The following CACNA1E variants were observed in gnomAD, a reference collection of about 807,000 sequenced individuals.
CACNA1E encodes voltage-dependent R-type calcium channel subunit alpha-1E.
A neutral mutation model predicts 259.2 loss-of-function variants in CACNA1E; 40 were observed. That is an observed-to-expected ratio of 0.15 (90% CI 0.12 to 0.20). The LOEUF is 0.20. Among genes scored for constraint, CACNA1E ranks in the 10% least tolerant of loss-of-function variants. The probability of loss-of-function intolerance (pLI) is 1.00; values close to 1 mark genes in which losing one functional copy is unlikely to be tolerated. For missense variants in CACNA1E, 1,874 were observed against 3,040.1 expected, an observed-to-expected ratio of 0.62 and a Z score of 9.02; for synonymous variants, 1,104 against 1,138.5, an observed-to-expected ratio of 0.97 and a Z score of 0.61.
chr1:181,585,778 T>C (rs1226772806), intron 6 of CACNA1E, among the ~76,000 whole-genome samples: 1 of 152,116 alleles, frequency 6.6e-6, no homozygotes, highest in East Asian at 1.9e-4. Context: ...GGGCTGGGTG[T>C]ATTTGAAGAA....
intron 6 of CACNA1E, among the ~76,000 whole-genome samples, chr1:181,608,489 T>C (rs561780256): frequency 1.3e-5 from 2 of 152,198 alleles, no homozygotes; most frequent in South Asian, 4.2e-4. Flanking sequence ...GGAGATCCAT[T>C]ATGAAAAGTG....
chr1:181,549,429 CT>C (rs1396911507), intron 3 of CACNA1E, among the ~76,000 whole-genome samples: 1 of 152,158 alleles, frequency 6.6e-6, no homozygotes, highest in African/African-American at 2.4e-5. Context: ...AATAGTTTCC[CT>C]TTTTGGAAAG....
intron 25 of CACNA1E, among the ~76,000 whole-genome samples, chr1:181,739,624 C>T (rs1656377600): frequency 6.6e-6 from 1 of 152,116 alleles, no homozygotes; most frequent in South Asian, 2.1e-4. Flanking sequence ...GTGTGTCAAT[C>T]AAGGAAGCAG....
intron 7 of CACNA1E, among the ~76,000 whole-genome samples, chr1:181,687,960 T>C (rs974437481): frequency 6.6e-6 from 1 of 152,160 alleles, no homozygotes; most frequent in Non-Finnish European, 1.5e-5. Flanking sequence ...CTCATAACCA[T>C]GAAGCATTGT....
chr1:181,747,522 G>A (rs3767003), intron 25 of CACNA1E, among the ~76,000 whole-genome samples: 84,338 of 150,412 alleles, frequency 0.56, 23,796 homozygotes, highest in East Asian at 0.74. Context: ...ATGGTAAAAT[G>A]TGTGGCCCAA....
intron 8 of CACNA1E, among the ~76,000 whole-genome samples, chr1:181,713,927 G>A (rs772171533): frequency 2.6e-5 from 4 of 152,286 alleles, no homozygotes; most frequent in South Asian, 4.2e-4. Context: ...GGGACACCAA[G>A]TGGGAAGAGT....
intron 6 of CACNA1E, among the ~76,000 whole-genome samples, chr1:181,626,799 C>G (rs972676801): frequency 6.6e-6 from 1 of 152,182 alleles, no homozygotes; most frequent in Non-Finnish European, 1.5e-5. Context: ...TAGTCATCAC[C>G]AAGAACATTT....
chr1:181,376,350 A>G lies in CACNA1E; in HGVS notation c.-14-36783A>G, dbSNP rs905054291. Among the ~76,000 whole-genome samples, 18 of 152,370 alleles carry G rather than the reference A, an allele frequency of 1.2e-4. No individual in the cohort carries two copies. The South Asian group carries it at 1.2e-3, about 11-fold the overall frequency. On this transcript the variant is annotated intron_variant, in intron 1 of 11. Transcript: ENST00000524607. ...CTGTTTGCCTTTCTGGCGCAGAGGC[A>G]AGAAAGAAGGAAGGAGAGCTGGAAG...
At chr1:181,728,391 A>G (rs1655115961) in intron 18 of CACNA1E, among the ~76,000 whole-genome samples, 1 of 152,254 alleles carries the variant, frequency 6.6e-6, no homozygotes, top group Non-Finnish European at 1.5e-5. Context: ...ATCAGGGCAC[A>G]GTGAGGTGGA....
chr1:181,550,342 T>A (rs758114821), intron 3 of CACNA1E, among the ~76,000 whole-genome samples: 29 of 152,068 alleles, frequency 1.9e-4, no homozygotes, highest in Non-Finnish European at 3.5e-4. Context: ...GGACTGGGTG[T>A]GGTGCCCTAT....
chr1:181,390,125 G>C (rs539221304), intron 1 of CACNA1E, among the ~76,000 whole-genome samples: 1 of 152,154 alleles, frequency 6.6e-6, no homozygotes, highest in African/African-American at 2.4e-5. Flanking sequence ...GTGCCCCTGA[G>C]CCTAGGCAGG....
Position 181,654,949 on chromosome 1 carries a change from CA to C in CACNA1E, c.1055+3509del, listed in dbSNP as rs1402538096. Among the ~76,000 whole-genome samples the C allele has an allele frequency of 1.6e-4, 22 of 141,890 alleles. 1 individual carries two copies. The highest frequency in any genetic ancestry group is 5.5e-4 in the African/African-American group (21 of 38,140). 93.1% of individuals were successfully genotyped at this position (141,890 alleles called of 152,430 possible). ...GCAGTGAGCCAAGATCACGCCACTG[CA>C]CTCCAGCCTGGGCGACAGCGAGACT... On this transcript the variant is annotated intron_variant, in intron 7 of 47. Transcript: ENST00000367573.
At chr1:181,490,622 T>G (rs1411252970) in intron 1 of CACNA1E, among the ~76,000 whole-genome samples, 1 of 152,090 alleles carries the variant, frequency 6.6e-6, no homozygotes, top group South Asian at 2.1e-4. Context: ...GGCTATATTT[T>G]TGTGTGTGTG....
intron 3 of CACNA1E, among the ~76,000 whole-genome samples, chr1:181,561,653 G>T (rs1649338786): frequency 6.6e-6 from 1 of 152,158 alleles, no homozygotes. Flanking sequence ...GTATTCAGTT[G>T]TATGGATGAT....
At chr1:181,655,933 G>A (rs1659171804) in intron 7 of CACNA1E, among the ~76,000 whole-genome samples, 1 of 152,140 alleles carries the variant, frequency 6.6e-6, no homozygotes, top group Admixed American at 6.5e-5. Flanking sequence ...GGTCCCACAG[G>A]ATTTAGTGGA....
At chr1:181,744,088 G>A (rs1376138780) in intron 25 of CACNA1E, among the ~76,000 whole-genome samples, 2 of 152,232 alleles carry the variant, frequency 1.3e-5, no homozygotes, top group Admixed American at 1.3e-4. Context: ...AGCCAGAAAC[G>A]AAAAACATGA....
At chr1:181,391,945 CTG>C (rs201388697) in intron 1 of CACNA1E, among the ~76,000 whole-genome samples, 7,017 of 117,744 alleles carry the variant, frequency 0.06, 218 homozygotes, top group East Asian at 0.15. Context: ...CTCTCTCTCT[CTG>C]TGTGTGTGTG....
At chr1:181,783,184 G>A (rs1015325969) in intron 39 of CACNA1E, among the ~76,000 whole-genome samples, 1 of 152,172 alleles carries the variant, frequency 6.6e-6, no homozygotes. Flanking sequence ...GGGGCACCAG[G>A]ATACATCTTT....
At chr1:181,619,762 G>T (rs1372103258) in intron 6 of CACNA1E, among the ~76,000 whole-genome samples, 1 of 152,130 alleles carries the variant, frequency 6.6e-6, no homozygotes, top group Admixed American at 6.5e-5. Context: ...ACCTGACATG[G>T]GATATGCGAG....
Sources: allele counts gnomAD v4.1 joint callset (sites outside exome capture counted in the v4.1 genomes callset), GRCh38; gene constraint gnomAD v4.1.1; transcripts MANE v1.5; gene names NCBI Gene and HGNC (gene_info 2026-07-23, HGNC 2026-07-21).